BIRC6: variants seen among roughly 807,000 people sequenced by gnomAD.
BIRC6 encodes the protein dual E2 ubiquitin-conjugating enzyme/E3 ubiquitin-protein ligase BIRC6.
In BIRC6, 98 loss-of-function variants were observed where a neutral mutation model predicts 503.3. The observed-to-expected ratio is 0.19, with a 90% CI of 0.17 to 0.23. The LOEUF is 0.23. Among genes scored for constraint, BIRC6 ranks in the 10% least tolerant of loss-of-function variants. The pLI, the probability that BIRC6 is intolerant of heterozygous loss-of-function variation, is 1.00. For missense variants in BIRC6, 5,360 were observed against 5,806.0 expected (o/e 0.92, Z 2.50); for synonymous variants, 2,240 against 2,078.7 (o/e 1.08, Z -2.11).
At chr2:32,446,738 G>GTTT (rs58232090) in intron 21 of BIRC6, among the ~76,000 whole-genome samples, 948 of 34,872 alleles carry the variant, frequency 0.027, 98 homozygotes, top group Non-Finnish European at 0.031. Context: ...CCTCTGCGCT[G>GTTT]TTTTTTTTTT....
chr2:32,488,321 G>C (rs1362290841), intron 41 of BIRC6, among the ~76,000 whole-genome samples: 1 of 151,920 alleles, frequency 6.6e-6, no homozygotes, highest in African/African-American at 2.4e-5. Context: ...AAAATGACTT[G>C]AATCACCTGT....
At chr2:32,360,203 T>C (rs1229636106) in intron 1 of BIRC6, among the ~76,000 whole-genome samples, 3 of 152,188 alleles carry the variant, frequency 2.0e-5, no homozygotes, top group African/African-American at 4.8e-5. Flanking sequence ...GGGTTCAGTT[T>C]ATAGGGTTAT....
chr2:32,416,684 T>C (rs2042405105), intron 10 of BIRC6, among the ~76,000 whole-genome samples: 1 of 152,144 alleles, frequency 6.6e-6, no homozygotes, highest in South Asian at 2.1e-4. Flanking sequence ...CTTTGGCTAG[T>C]AGTGAATTAG....
At chr2:32,613,027 C>T (rs2062985770) in intron 73 of BIRC6, among the ~76,000 whole-genome samples, 1 of 152,110 alleles carries the variant, frequency 6.6e-6, no homozygotes, top group Non-Finnish European at 1.5e-5. Flanking sequence ...GTTCTCAACG[C>T]CAGTGACCCT....
chr2:32,535,084 A>T (rs1012980971), intron 61 of BIRC6, among the ~76,000 whole-genome samples: 5 of 135,756 alleles, frequency 3.7e-5, no homozygotes, highest in Non-Finnish European at 4.7e-5. Context: ...AAGCGGGAGG[A>T]TTACTTGAGC....
chr2:32,552,171 T>C (rs575281026), intron 65 of BIRC6, among the ~76,000 whole-genome samples: 1 of 152,206 alleles, frequency 6.6e-6, no homozygotes, highest in Non-Finnish European at 1.5e-5. Flanking sequence ...TGGTTTCTTA[T>C]TACTGTCCCA....
intron 66 of BIRC6, among the ~76,000 whole-genome samples, chr2:32,578,850 T>A (rs753275015): frequency 5.3e-5 from 8 of 151,262 alleles, no homozygotes; most frequent in Non-Finnish European, 8.8e-5. Context: ...TATCACACAC[T>A]CAGAAACATT....
intron 37 of BIRC6, among the ~76,000 whole-genome samples, chr2:32,480,433 C>T (rs1202422283): frequency 2.0e-5 from 3 of 151,966 alleles, no homozygotes; most frequent in Non-Finnish European, 4.4e-5. Flanking sequence ...TACTTATACT[C>T]AAACCCTCAT....
At chr2:32,362,649 A>C (rs1196805224) in intron 1 of BIRC6, among the ~76,000 whole-genome samples, 1 of 151,994 alleles carries the variant, frequency 6.6e-6, no homozygotes, top group Non-Finnish European at 1.5e-5. Flanking sequence ...AAAAAGCTAC[A>C]CACCACTTGA....
At position 32,525,281 on chromosome 2, in the gene BIRC6, A is replaced by G. The variant is rs568597056; in HGVS notation, c.11756-183A>G. ...AAATAGTTACAGATGCAATGCCAAAATTATTTATTTGTTGTCATGAAGGAC... is the reference window on the plus strand; with the variant it reads ...AAATAGTTACAGATGCAATGCCAAAGTTATTTATTTGTTGTCATGAAGGAC... On this transcript the variant is annotated intron_variant, in intron 58 of 73. Coordinates refer to ENST00000421745, the MANE Select transcript of BIRC6 (RefSeq NM_016252.4). 2.0e-5 allele frequency among the ~76,000 whole-genome samples: 3 copies of G among 152,296 alleles called. No homozygotes were observed. In the South Asian group the frequency reaches 6.2e-4, roughly 32 times the overall value.
rs538871218 is a variant in BIRC6, at chr2:32,585,726, CTCT to C, written c.13356-8184_13356-8182del. Among the ~76,000 whole-genome samples the C allele has an allele frequency of 2.9e-3, 442 of 152,210 alleles. 6 individuals are homozygous for C. The highest frequency in any genetic ancestry group is 0.016 in the South Asian group (78 of 4,828). ...CCAGCCTCTGTGCTTTCATTTTTTT[CTCT>C]TCTTGTTTCTTGAAAATAAGCCAAT... On this transcript the variant is annotated intron_variant, in intron 66 of 73. Coordinates refer to ENST00000421745, the MANE Select transcript of BIRC6 (RefSeq NM_016252.4).
rs116658270 is a variant in BIRC6, at chr2:32,460,654, G to A, written c.4754-2540G>A. On this transcript the variant is annotated intron_variant, in intron 23 of 73. Coordinates refer to ENST00000421745, the MANE Select transcript of BIRC6 (RefSeq NM_016252.4). ...AATAGAAAAAGATATTGAAAACTCG[G>A]ATTGTGCAAAAGATTTCTGATTAGT... Among the ~76,000 whole-genome samples the A allele has an allele frequency of 5.5e-3, 842 of 151,972 alleles. 9 individuals are homozygous for A. The highest frequency in any genetic ancestry group is 0.019 in the African/African-American group (787 of 41,442).
Position 32,395,565 on chromosome 2 carries a change from G to A in BIRC6, c.1006G>A (p.Val336Ile), listed in dbSNP as rs1242929526. ...AMCFTCSVCL[V>I]CWEPTDEPWS... Reference sequence around the variant, plus strand: ...GTGTTTTACTTGTAGTGTATGCCTCGTTTGTTGGGAACCTACTGATGAACC... The same window carrying A: ...GTGTTTTACTTGTAGTGTATGCCTCATTTGTTGGGAACCTACTGATGAACC... Residue 336 changes from valine to isoleucine, a missense_variant, in exon 6 of 74, where the codon GTT becomes ATT. Around this residue, in one of 16 missense-constraint regions of BIRC6, gnomAD observed 92 missense variants for 176.7 expected, o/e 0.52. Coordinates refer to ENST00000421745, the MANE Select transcript of BIRC6 (RefSeq NM_016252.4). 1 of 1,612,978 alleles carries A rather than the reference G, an allele frequency of 6.2e-7. No individual in the cohort carries two copies. Among genetic ancestry groups the A allele is most frequent in the Admixed American group, 1.7e-5 (1 of 59,990 alleles).
intron 1 of BIRC6, among the ~76,000 whole-genome samples, chr2:32,376,091 C>T (rs974821671): frequency 2.3e-4 from 35 of 150,018 alleles, no homozygotes; most frequent in Admixed American, 2.2e-3. Context: ...GAGGCTGAGG[C>T]AGGAGAATGG....
Position 32,595,160 on chromosome 2 carries a change from T to C in BIRC6, c.13612+16T>C, listed in dbSNP as rs1382943785. On this transcript the variant is annotated intron_variant, in intron 68 of 73. Coordinates refer to ENST00000421745, the MANE Select transcript of BIRC6 (RefSeq NM_016252.4). The stretch of plus-strand genomic sequence containing the variant: ...TTACAGTTTGGTAAGATGAAATTTT[T>C]GATTTGCTTAAGATCTCACTTTCCA... 6.7e-7 allele frequency: 1 copy of C among 1,500,424 alleles called. No homozygotes were observed. The highest frequency in any genetic ancestry group is 1.2e-5 in the South Asian group (1 of 81,244). The allele number at this position is 1,500,424 out of a possible 1,614,324, so 92.9% of individuals were successfully genotyped here. A position where few individuals can be genotyped will look rare whatever the true frequency, so the allele number is the denominator to read the frequency against.
At chr2:32,600,208 TTA>T (rs1263053689) in intron 70 of BIRC6, among the ~76,000 whole-genome samples, 7 of 152,262 alleles carry the variant, frequency 4.6e-5, no homozygotes, top group African/African-American at 1.7e-4. Context: ...TTACATTTTC[TTA>T]TATTAAAAGT....
At chr2:32,412,868 T>C (rs570493335) in intron 9 of BIRC6, among the ~76,000 whole-genome samples, 9 of 152,326 alleles carry the variant, frequency 5.9e-5, no homozygotes, top group Admixed American at 2.0e-4. Context: ...TGGTTTAGAA[T>C]TGAAGTGCAG....
chr2:32,526,313 G>T (rs2056268483), intron 59 of BIRC6, among the ~76,000 whole-genome samples: 1 of 152,148 alleles, frequency 6.6e-6, no homozygotes, highest in Non-Finnish European at 1.5e-5. Flanking sequence ...AAATGTGCAT[G>T]CCAGACGTGC....
intron 70 of BIRC6, among the ~76,000 whole-genome samples, chr2:32,600,176 T>A (rs111676743): frequency 6.6e-6 from 1 of 152,222 alleles, no homozygotes; most frequent in African/African-American, 2.4e-5. Context: ...TATTTTAAGG[T>A]GTACCTTATA....
Sources: gnomAD v4.1 joint callset for allele counts (sites outside exome capture counted in the v4.1 genomes callset) on GRCh38, gnomAD v4.1.1 for gene constraint, gnomAD v4.1.1 regional missense constraint, MANE v1.5 for transcripts, NCBI Gene and HGNC (gene_info 2026-07-23, HGNC 2026-07-21) for gene names.